The following PPP1R9A variants were observed in gnomAD, a reference collection of about 807,000 sequenced individuals.
The protein encoded by PPP1R9A is neurabin-1.
A neutral mutation model predicts 141.9 loss-of-function variants in PPP1R9A; 59 were observed. The observed-to-expected ratio is 0.42, with a 90% CI of 0.34 to 0.52. The LOEUF is 0.52. Among genes scored for constraint, PPP1R9A ranks in the 20% least tolerant of loss-of-function variants. The pLI is 0.10. For synonymous variants in PPP1R9A, 500 were observed against 569.7 expected, an observed-to-expected ratio of 0.88 and a Z score of 1.74; for missense variants, 1,444 against 1,611.9, an observed-to-expected ratio of 0.90 and a Z score of 1.78.
chr7:95,261,544 A>T (rs1173454214), intron 12 of PPP1R9A, among the ~76,000 whole-genome samples: 1 of 152,130 alleles, frequency 6.6e-6, no homozygotes. Flanking sequence ...GAACATTGAA[A>T]AGGTCATTCA....
At chr7:94,959,493 T>C (rs1054920235) in intron 2 of PPP1R9A, among the ~76,000 whole-genome samples, 1 of 151,710 alleles carries the variant, frequency 6.6e-6, no homozygotes, top group East Asian at 1.9e-4. Flanking sequence ...TAGTCATTTA[T>C]AAATTTAACC....
At chr7:94,967,620 C>T (rs988066083) in intron 2 of PPP1R9A, among the ~76,000 whole-genome samples, 15 of 151,926 alleles carry the variant, frequency 9.9e-5, no homozygotes, top group Non-Finnish European at 2.2e-4. Context: ...CATGTAGTTG[C>T]GTGGTTTTGA....
intron 2 of PPP1R9A, among the ~76,000 whole-genome samples, chr7:94,937,521 C>T (rs1169864653): frequency 2.0e-5 from 3 of 152,186 alleles, no homozygotes; most frequent in Admixed American, 6.5e-5. Context: ...TGGATCATAA[C>T]ATAGATCTCC....
At chr7:94,966,517 A>G (rs1798236779) in intron 2 of PPP1R9A, among the ~76,000 whole-genome samples, 1 of 152,172 alleles carries the variant, frequency 6.6e-6, no homozygotes, top group Non-Finnish European at 1.5e-5. Context: ...CTGAATTTTT[A>G]GCATGAAGGG....
chr7:95,283,072 T>G (rs1446632860), intron 16 of PPP1R9A, among the ~76,000 whole-genome samples: 1 of 152,166 alleles, frequency 6.6e-6, no homozygotes, highest in Non-Finnish European at 1.5e-5. Flanking sequence ...AGCTATCAAA[T>G]AATAGGCATT....
chr7:95,273,899 A>G lies in PPP1R9A; in HGVS notation c.3125A>G (p.Asp1042Gly). The G allele has an allele frequency of 6.7e-7, 1 of 1,498,434 alleles. No individual in the cohort carries two copies. Among genetic ancestry groups the G allele is most frequent in the Non-Finnish European group, 9.2e-7 (1 of 1,091,918 alleles). 92.8% of individuals were successfully genotyped at this position (1,498,434 alleles called of 1,614,324 possible). ...TTNKKILREK[D>G]DAKDPKSLRA... ...TTTTTCACAAATGTGTATATCCTAG[A>G]TGATGCCAAAGATCCCAAATCACTA... The change falls in exon 15 of 20, where the codon GAT becomes GGT. Residue 1042 changes from aspartate to glycine, a missense_variant and splice_region_variant. Around this residue, in one of 5 missense-constraint regions of PPP1R9A, gnomAD observed 459 missense variants for 513.8 expected, o/e 0.89. Coordinates refer to ENST00000433360, the MANE Select transcript of PPP1R9A (RefSeq NM_001166160.2).
At chr7:94,981,991 C>G (rs554335910) in intron 2 of PPP1R9A, among the ~76,000 whole-genome samples, 1 of 144,886 alleles carries the variant, frequency 6.9e-6, no homozygotes, top group East Asian at 2.1e-4. Context: ...CACCCCACTA[C>G]AGGCCTCAGT....
At chr7:95,088,962 TAACTC>T (rs552805971) in intron 2 of PPP1R9A, among the ~76,000 whole-genome samples, 2 of 152,034 alleles carry the variant, frequency 1.3e-5, no homozygotes, top group South Asian at 4.1e-4. Flanking sequence ...ATCATTTACT[TAACTC>T]CCCTCGTTTT....
chr7:95,034,452 T>A (rs1187048804), intron 2 of PPP1R9A, among the ~76,000 whole-genome samples: 1 of 152,188 alleles, frequency 6.6e-6, no homozygotes, highest in Non-Finnish European at 1.5e-5. Context: ...GACTACAACC[T>A]CTGCCTCCCA....
chr7:95,008,688 C>G (rs1803970349), intron 2 of PPP1R9A, among the ~76,000 whole-genome samples: 2 of 152,090 alleles, frequency 1.3e-5, no homozygotes, highest in African/African-American at 4.8e-5. Flanking sequence ...AAGCAGTGGT[C>G]TGGAAGTGGG....
intron 12 of PPP1R9A, among the ~76,000 whole-genome samples, chr7:95,266,091 C>T (rs1801243816): frequency 6.6e-6 from 1 of 152,072 alleles, no homozygotes; most frequent in Non-Finnish European, 1.5e-5. Flanking sequence ...TTTTCTCTCA[C>T]TTATATTTGT....
intron 4 of PPP1R9A, among the ~76,000 whole-genome samples, chr7:95,123,880 G>A (rs910822543): frequency 5.9e-5 from 9 of 152,220 alleles, no homozygotes; most frequent in African/African-American, 2.2e-4. Flanking sequence ...AACCAAGTAA[G>A]AGTAAGCTTG....
chr7:95,065,968 A>C (rs1563187083), intron 2 of PPP1R9A, among the ~76,000 whole-genome samples: 1 of 152,198 alleles, frequency 6.6e-6, no homozygotes, highest in Non-Finnish European at 1.5e-5. Flanking sequence ...TAATAAGCCT[A>C]GGCAAGGGCA....
At chr7:95,282,435 G>T (rs1438314960) in intron 16 of PPP1R9A, among the ~76,000 whole-genome samples, 1 of 152,224 alleles carries the variant, frequency 6.6e-6, no homozygotes, top group Non-Finnish European at 1.5e-5. Context: ...AGGAGGCTAA[G>T]TGGAAGAGGG....
chr7:95,235,407 A>C (rs1585388574), intron 8 of PPP1R9A, among the ~76,000 whole-genome samples: 1 of 152,320 alleles, frequency 6.6e-6, no homozygotes, highest in Non-Finnish European at 1.5e-5. Context: ...TGTCCAACAA[A>C]CATATGGAAA....
At chr7:95,082,937 A>G (rs1481125453) in intron 2 of PPP1R9A, among the ~76,000 whole-genome samples, 2 of 151,358 alleles carry the variant, frequency 1.3e-5, no homozygotes, top group Non-Finnish European at 2.9e-5. Context: ...TTGTATTTTT[A>G]GAAGAGACGG....
intron 3 of PPP1R9A, among the ~76,000 whole-genome samples, chr7:95,112,544 A>T (rs768353254): frequency 6.6e-6 from 1 of 151,750 alleles, no homozygotes; most frequent in Non-Finnish European, 1.5e-5. Flanking sequence ...TTGACCAAGC[A>T]CTCCCACTAC....
chr7:95,243,317 C>A (rs1031339723), intron 8 of PPP1R9A, among the ~76,000 whole-genome samples: 6 of 152,134 alleles, frequency 3.9e-5, no homozygotes, highest in African/African-American at 1.4e-4. Context: ...CCTGAAGTAT[C>A]TTGAAAGTAG....
intron 3 of PPP1R9A, among the ~76,000 whole-genome samples, chr7:95,116,067 TG>T (rs1409690734): frequency 6.6e-6 from 1 of 152,140 alleles, no homozygotes; most frequent in East Asian, 1.9e-4. Flanking sequence ...CAAATTGGTA[TG>T]AAAAGATGTC....
Sources: gnomAD v4.1 joint callset for allele counts (sites outside exome capture counted in the v4.1 genomes callset) on GRCh38, gnomAD v4.1.1 for gene constraint, gnomAD v4.1.1 regional missense constraint, MANE v1.5 for transcripts, NCBI Gene and HGNC (gene_info 2026-07-23, HGNC 2026-07-21) for gene names.